MLIP: variants seen among roughly 807,000 people sequenced by gnomAD.
MLIP encodes muscular LMNA interacting protein.
Under a neutral mutation model 84.8 loss-of-function variants are expected in MLIP, and 79 were observed. The observed-to-expected ratio is 0.93, with a 90% CI of 0.78 to 1.12. MLIP has a LOEUF of 1.12. Among genes scored for constraint, MLIP ranks in the 50% most tolerant of loss-of-function variants. MLIP has a pLI of 0.00. For missense variants in MLIP, 1,257 were observed against 1,160.6 expected, an observed-to-expected ratio of 1.08 and a Z score of -1.21; for synonymous variants, 504 against 463.0, an observed-to-expected ratio of 1.09 and a Z score of -1.14.
At chr6:54,221,016 C>A (rs576017204) in intron 11 of MLIP, among the ~76,000 whole-genome samples, 2 of 152,244 alleles carry the variant, frequency 1.3e-5, no homozygotes, top group Non-Finnish European at 2.9e-5. Context: ...TTCGGAGTTT[C>A]TCAAGTTATC....
intron 1 of MLIP, among the ~76,000 whole-genome samples, chr6:54,080,845 GTT>G (rs1031738778): frequency 6.8e-6 from 1 of 147,226 alleles, no homozygotes; most frequent in Non-Finnish European, 1.5e-5. Flanking sequence ...TTAAAGTATA[GTT>G]TTTTTTTTAA....
In MLIP at chr6:54,072,999, C is replaced by A. The variant is rs186230950; in HGVS notation, c.64-48448C>A. Among the ~76,000 whole-genome samples, 539 of 152,260 alleles carry A rather than the reference C, an allele frequency of 3.5e-3. 1 individual carries two copies. The highest frequency in any genetic ancestry group is 0.017 in the Middle Eastern group (5 of 294). On this transcript the variant is annotated intron_variant, in intron 1 of 12. Coordinates refer to the MLIP transcript ENST00000274897. ...TTGAAATTTCTGTAGACTTTTGCCA[C>A]CCCCTTCCCTCAACATTGCTCCACA...
chr6:54,055,194 A>G (rs1328216086), intron 1 of MLIP, among the ~76,000 whole-genome samples: 3 of 152,136 alleles, frequency 2.0e-5, no homozygotes, highest in African/African-American at 7.2e-5. Flanking sequence ...CCTCATCACT[A>G]TCTTTTTTAT....
chr6:54,169,555 G>T lies in MLIP; in HGVS notation c.2527G>T (p.Gly843Cys). 2.5e-6 allele frequency: 4 copies of T among 1,589,386 alleles called. No individual in the cohort carries two copies. Among genetic ancestry groups the T allele is most frequent in the Non-Finnish European group, 3.4e-6 (4 of 1,167,668 alleles). The change falls in exon 9 of 14, where the codon GGT becomes TGT. Residue 843 changes from glycine to cysteine, a missense_variant. By Grantham distance (159) the Gly-to-Cys change is radical. Coordinates refer to ENST00000502396, the MANE Select transcript of MLIP (RefSeq NM_001281747.2). ...TCCTACAACTCTTCCAAGAGCAGCT[G>T]GTCGAGAAACCAAATATGTAAGTAC... The part of the protein sequence containing the change: ...KTPTTLPRAA[G>C]RETKYANLSS...
At chr6:54,023,539 G>A (rs1462806798) in intron 1 of MLIP, among the ~76,000 whole-genome samples, 2 of 152,032 alleles carry the variant, frequency 1.3e-5, no homozygotes, top group East Asian at 1.9e-4. Context: ...AGAAAAAGGA[G>A]TTCATACCAT....
chr6:54,159,259 C>T (rs1774364948), intron 5 of MLIP, among the ~76,000 whole-genome samples: 1 of 151,908 alleles, frequency 6.6e-6, no homozygotes, highest in African/African-American at 2.4e-5. Context: ...GAAAAAATAA[C>T]CTTTAGTCAC....
intron 10 of MLIP, among the ~76,000 whole-genome samples, chr6:54,195,785 A>T (rs944673489): frequency 6.6e-5 from 10 of 152,244 alleles, no homozygotes; most frequent in African/African-American, 2.4e-4. Context: ...TGTTAGCATC[A>T]GATATAATAT....
intron 1 of MLIP, among the ~76,000 whole-genome samples, chr6:54,112,828 C>T (rs867262991): frequency 1.6e-4 from 25 of 152,050 alleles, no homozygotes; most frequent in African/African-American, 5.1e-4. Context: ...TAGGCAGTAC[C>T]GTTGTAAAAG....
intron 3 of MLIP, among the ~76,000 whole-genome samples, chr6:54,135,390 T>A (rs1017918159): frequency 4.6e-5 from 7 of 152,176 alleles, no homozygotes; most frequent in African/African-American, 1.7e-4. Context: ...AAAAGAATAT[T>A]TTGGGTATGT....
upstream of MLIP, among the ~76,000 whole-genome samples, chr6:54,107,079 T>C (rs1410461963): frequency 2.0e-5 from 3 of 152,206 alleles, no homozygotes; most frequent in Non-Finnish European, 4.4e-5. Flanking sequence ...TGGATAAATG[T>C]TTCTTATCAT....
intron 12 of MLIP, among the ~76,000 whole-genome samples, chr6:54,238,951 T>C (rs1562094282): frequency 6.6e-6 from 1 of 152,246 alleles, no homozygotes; most frequent in Non-Finnish European, 1.5e-5. Context: ...TGCTTCTGTC[T>C]CATGAAAGAG....
intron 4 of MLIP, among the ~76,000 whole-genome samples, chr6:54,138,990 T>C (rs1772065621): frequency 1.3e-5 from 2 of 152,208 alleles, no homozygotes; most frequent in African/African-American, 4.8e-5. Context: ...TATGTTTCAC[T>C]GTCACTTTTC....
intron 1 of MLIP, among the ~76,000 whole-genome samples, chr6:54,088,134 A>G (rs961492809): frequency 6.6e-6 from 1 of 152,172 alleles, no homozygotes; most frequent in Non-Finnish European, 1.5e-5. Context: ...AGGTGGTTTC[A>G]GAATTGAAGT....
intron 1 of MLIP, chr6:54,031,347 G>A (rs910846656): frequency 6.6e-6 from 1 of 152,052 alleles, no homozygotes; most frequent in East Asian, 1.9e-4. Flanking sequence ...GCAGATTTAT[G>A]GAAGCCTTGA....
intron 8 of MLIP, among the ~76,000 whole-genome samples, chr6:54,164,855 T>C (rs73741455): frequency 0.013 from 2,035 of 152,000 alleles, 51 homozygotes; most frequent in African/African-American, 0.045. Flanking sequence ...ATTTATCTGT[T>C]CACCAGTTAA....
intron 12 of MLIP, among the ~76,000 whole-genome samples, chr6:54,231,895 C>G (rs1045308039): frequency 4.6e-5 from 7 of 151,970 alleles, no homozygotes; most frequent in Non-Finnish European, 7.4e-5. Flanking sequence ...AAACAGTCAT[C>G]TAAAAGCAAA....
intron 8 of MLIP, among the ~76,000 whole-genome samples, chr6:54,161,710 C>T (rs1018851491): frequency 6.6e-6 from 1 of 151,816 alleles, no homozygotes; most frequent in Non-Finnish European, 1.5e-5. Context: ...GGAATATTAT[C>T]AATAAATATC....
At chr6:54,111,821 C>T (rs980973601) in intron 1 of MLIP, among the ~76,000 whole-genome samples, 1 of 152,092 alleles carries the variant, frequency 6.6e-6, no homozygotes, top group African/African-American at 2.4e-5. Context: ...CCCTGTAATG[C>T]CTTAACAGGA....
intron 11 of MLIP, among the ~76,000 whole-genome samples, chr6:54,206,416 CT>C (rs1008091190): frequency 1.1e-4 from 16 of 148,212 alleles, no homozygotes; most frequent in South Asian, 2.1e-4. Flanking sequence ...AAATATTTTT[CT>C]TTTTTTTTTC....
Sources: gnomAD v4.1 joint callset for allele counts (sites outside exome capture counted in the v4.1 genomes callset) on GRCh38, gnomAD v4.1.1 for gene constraint, MANE v1.5 for transcripts, NCBI Gene and HGNC (gene_info 2026-07-23, HGNC 2026-07-21) for gene names.